Variants in ING2 observed in about 807,000 individuals in gnomAD.
ING2 encodes inhibitor of growth family member 2.
Under a neutral mutation model 30.6 loss-of-function variants are expected in ING2, and 7 were observed. That is an observed-to-expected ratio of 0.23 (90% CI 0.13 to 0.43). The LOEUF is 0.43. ING2 is among the 20% of genes least tolerant of loss of function. The pLI, the probability that ING2 is intolerant of heterozygous loss-of-function variation, is 1.00. For missense variants in ING2, 239 were observed against 334.9 expected, an observed-to-expected ratio of 0.71 and a Z score of 2.24; for synonymous variants, 136 against 121.7, an observed-to-expected ratio of 1.12 and a Z score of -0.78.
In ING2 at chr4:183,511,005, C is replaced by T. The variant is rs1734810928; in HGVS notation, c.*53C>T. 4 of 1,413,226 alleles carry T rather than the reference C, an allele frequency of 2.8e-6. No individual in the cohort carries two copies. The highest frequency in any genetic ancestry group is 1.5e-5 in the African/African-American group (1 of 68,620). 87.5% of individuals were successfully genotyped at this position (1,413,226 alleles called of 1,614,324 possible). ...ATTTGTCTTTTATATAATTCGTTTG[C>T]TTTCAGAAAATGTTTTAGGGTAAAT... On this transcript the variant is annotated 3_prime_UTR_variant, in exon 2 of 2. Transcript: ENST00000302327.
At chr4:183,505,694 G>C (rs7689251) in intron 1 of ING2, among the ~76,000 whole-genome samples, 35,875 of 152,144 alleles carry the variant, frequency 0.24, 4,423 homozygotes, top group Admixed American at 0.29. Flanking sequence ...CAGACCCTGC[G>C]GCCCCGGCCC....
chr4:183,506,283 A>T, intron 1 of ING2: 1 of 1,304,250 alleles, frequency 7.7e-7, no homozygotes, highest in Non-Finnish European at 1.0e-6. Flanking sequence ...CAGGACGGCG[A>T]TCAGCAGCTC....
At chr4:183,509,734 C>CTTTT (rs35064658) in intron 1 of ING2, among the ~76,000 whole-genome samples, 2 of 116,090 alleles carry the variant, frequency 1.7e-5, no homozygotes, top group Admixed American at 1.8e-4. Flanking sequence ...CGCGCCTGGC[C>CTTTT]TTTTTTTTTT....
intron 1 of ING2, 44 bp downstream of exon 1, chr4:183,505,411 A>AGCC (rs758125498): frequency 5.6e-5 from 82 of 1,475,472 alleles, no homozygotes; most frequent in Non-Finnish European, 7.2e-5. Context: ...GGTGGCGGGG[A>AGCC]GCCTGTCCGG....
chr4:183,508,260 T>A (rs1171356225), intron 1 of ING2, among the ~76,000 whole-genome samples: 1 of 152,168 alleles, frequency 6.6e-6, no homozygotes, highest in Non-Finnish European at 1.5e-5. Flanking sequence ...AAATTTTTTA[T>A]CTCATCTATC....
Position 183,505,106 on chromosome 4 carries a change from G to T in ING2, c.-90G>T. ...CGGCTGCGGGGTCCCCGCGGCGCCG[G>T]GCTGCTGAGCTGAGGGCCCGCGGCG... On this transcript the variant is annotated 5_prime_UTR_variant, in exon 1 of 2. Transcript: ENST00000302327. The T allele has an allele frequency of 7.8e-7, 1 of 1,288,866 alleles. No homozygotes were observed. The highest frequency in any genetic ancestry group is 1.0e-6 in the Non-Finnish European group (1 of 1,004,400). The allele number at this position is 1,288,866 out of a possible 1,614,324, so 79.8% of individuals were successfully genotyped here.
Position 183,510,904 on chromosome 4 carries a change from A to T in ING2, c.795A>T (p.Thr265=). The change falls in exon 2 of 2, where the codon ACA becomes ACT. Residue 265 remains threonine, a synonymous_variant. Coordinates refer to ENST00000302327, the MANE Select transcript of ING2 (RefSeq NM_001564.4). The stretch of plus-strand genomic sequence containing the variant: ...AGTGCAGGGGAGATAATGAGAAAAC[A>T]ATGGACAAAAGTACTGAAAAGACAA... ...CPKCRGDNEK[T]MDKSTEKTKK... 1 of 1,609,770 alleles carries T rather than the reference A, an allele frequency of 6.2e-7. No individual in the cohort carries two copies. The highest frequency in any genetic ancestry group is 8.5e-7 in the Non-Finnish European group (1 of 1,176,756).
At chr4:183,505,577 C>G (rs1282785336) in intron 1 of ING2, among the ~76,000 whole-genome samples, 1 of 152,032 alleles carries the variant, frequency 6.6e-6, no homozygotes, top group African/African-American at 2.4e-5. Context: ...GGGGTGGGGG[C>G]CGCTTGTCAG....
At chr4:183,506,411 C>T in intron 1 of ING2, 1 of 929,942 alleles carries the variant, frequency 1.1e-6, no homozygotes, top group South Asian at 1.4e-5. Context: ...CCCTCCTTCT[C>T]CGACTTTAAG....
Position 183,506,961 on chromosome 4 carries a change from G to A in ING2, c.172+1594G>A, listed in dbSNP as rs576925376. ...ATATCTTTGTTTTCAAACAATTTAA[G>A]TTTTAATAAAAACTGTCCAAGGGGA... On this transcript the variant is annotated intron_variant, in intron 1 of 1. Coordinates refer to ENST00000302327, the MANE Select transcript of ING2 (RefSeq NM_001564.4). Among the ~76,000 whole-genome samples, 24 of 152,328 alleles carry A rather than the reference G, an allele frequency of 1.6e-4. 1 individual carries two copies. In the East Asian group the frequency reaches 4.0e-3, roughly 26 times the overall value.
At chr4:183,507,985 T>A (rs1734719060) in intron 1 of ING2, among the ~76,000 whole-genome samples, 1 of 152,164 alleles carries the variant, frequency 6.6e-6, no homozygotes, top group Non-Finnish European at 1.5e-5. Context: ...ATAACAACCT[T>A]CAAACTAAAC....
At chr4:183,506,140 G>C (rs2111084663) in intron 1 of ING2, 1 of 1,253,246 alleles carries the variant, frequency 8.0e-7, no homozygotes, top group African/African-American at 1.5e-5. Flanking sequence ...CGCGAGAGGG[G>C]CGGTGGCGAG....
In ING2 at chr4:183,505,327, G is replaced by A. The variant is rs1327329900; in HGVS notation, c.132G>A (p.Arg44=). ...AGTCGCTGCCCCACGACATGCAGAG[G>A]AACGTGTCTGTGCTGCGAGAGCTGG... ...CVESLPHDMQ[R]NVSVLRELDN... is the part of the protein sequence containing the mutation. The change falls in exon 1 of 2, where the codon AGG becomes AGA. Residue 44 remains arginine (R), a synonymous_variant. Coordinates refer to ENST00000302327, the MANE Select transcript of ING2 (RefSeq NM_001564.4). The A allele has an allele frequency of 6.5e-7, 1 of 1,549,822 alleles. No homozygotes were observed. The highest frequency in any genetic ancestry group is 1.4e-5 in the African/African-American group (1 of 72,534).
rs896177459 is a variant in ING2 at position 183,511,686 on chromosome 4, A to G, written c.*734A>G. Among the ~76,000 whole-genome samples the G allele has an allele frequency of 5.9e-5, 9 of 152,196 alleles. No homozygotes were observed. Among genetic ancestry groups the G allele is most frequent in the Non-Finnish European group, 1.3e-4 (9 of 68,016 alleles). On this transcript the variant is annotated 3_prime_UTR_variant, in exon 2 of 2. Transcript: ENST00000302327. Reference sequence around the variant, plus strand: ...AGTAGTTAGCATACCAAAAATATACATTGGCTTACATTGGCAAACTTTGGG... The same window carrying G: ...AGTAGTTAGCATACCAAAAATATACGTTGGCTTACATTGGCAAACTTTGGG...
At chr4:183,506,043 C>T (rs904332614) in intron 1 of ING2, 9 of 1,098,900 alleles carry the variant, frequency 8.2e-6, no homozygotes, top group East Asian at 1.8e-4. Flanking sequence ...GGGGAGGGCC[C>T]CCGCGCCGGG....
intron 1 of ING2, among the ~76,000 whole-genome samples, chr4:183,505,771 C>T (rs1352583301): frequency 6.6e-6 from 1 of 152,032 alleles, no homozygotes; most frequent in Non-Finnish European, 1.5e-5. Flanking sequence ...GCGGGGCGCG[C>T]TTCCCCACCT....
chr4:183,510,217 T>C, intron 1 of ING2, 65 bp from the exon 2 acceptor site: 5 of 1,158,456 alleles, frequency 4.3e-6, no homozygotes, highest in Non-Finnish European at 6.2e-6. Context: ...AAAAAATAAC[T>C]ACCTTGGAAA....
In ING2 at chr4:183,505,261, G is replaced by T; in HGVS notation, c.66G>T (p.Arg22=). The part of the protein sequence containing the change: ...SAALLTGERS[R]LLTCYVQDYL... ...CGCTCCTGACCGGGGAGCGGAGCCG[G>T]CTGCTCACCTGCTACGTGCAGGACT... Residue 22 remains arginine (R), a synonymous_variant, in exon 1 of 2, where the codon CGG becomes CGT. Transcript: ENST00000302327. 6.3e-7 allele frequency: 1 copy of T among 1,592,926 alleles called. No individual in the cohort carries two copies. The highest frequency in any genetic ancestry group is 8.5e-7 in the Non-Finnish European group (1 of 1,170,940).
In ING2 at chr4:183,512,288, T is replaced by C. The variant is rs1235358868; in HGVS notation, c.*1336T>C. 6.6e-6 allele frequency among the ~76,000 whole-genome samples: 1 copy of C among 152,238 alleles called. No homozygotes were observed. Among genetic ancestry groups the C allele is most frequent in the Non-Finnish European group, 1.5e-5 (1 of 68,044 alleles). On this transcript the variant is annotated 3_prime_UTR_variant, in exon 2 of 2. Transcript: ENST00000302327. Reference sequence around the variant, plus strand: ...TCTTCTAGCTCTCCTGTGTGACTTTTAGGCATGTCATTTCACCTTGTCTGG... The same window carrying C: ...TCTTCTAGCTCTCCTGTGTGACTTTCAGGCATGTCATTTCACCTTGTCTGG...
Sources: gnomAD v4.1 joint callset for allele counts (sites outside exome capture counted in the v4.1 genomes callset) on GRCh38, gnomAD v4.1.1 for gene constraint, MANE v1.5 for transcripts, NCBI Gene and HGNC (gene_info 2026-07-23, HGNC 2026-07-21) for gene names.